NPLOC4: variants seen among roughly 807,000 people sequenced by gnomAD.
NPLOC4 encodes the protein nuclear protein localization protein 4 homolog.
In NPLOC4, 18 loss-of-function variants were observed where a neutral mutation model predicts 80.6. That is an observed-to-expected ratio of 0.22 (90% CI 0.15 to 0.33). The LOEUF (loss-of-function observed/expected upper bound fraction) is 0.33. Among genes scored for constraint, NPLOC4 ranks in the 10% least tolerant of loss-of-function variants. The pLI, the probability that NPLOC4 is intolerant of heterozygous loss-of-function variation, is 1.00. For missense variants in NPLOC4, 540 were observed against 786.1 expected, an observed-to-expected ratio of 0.69 and a Z score of 3.74; for synonymous variants, 313 against 301.5, an observed-to-expected ratio of 1.04 and a Z score of -0.39.
intron 16 of NPLOC4, chr17:81,565,108 T>G: frequency 1.7e-6 from 1 of 586,494 alleles, no homozygotes; most frequent in Non-Finnish European, 3.0e-6. Context: ...AGGCTTCTCC[T>G]CCTTACAGCT....
intron 10 of NPLOC4, among the ~76,000 whole-genome samples, 174 bp from the exon 11 acceptor site, chr17:81,596,416 T>C (rs2034909867): frequency 1.3e-5 from 2 of 152,166 alleles, no homozygotes; most frequent in Admixed American, 1.3e-4. Context: ...GAGACCAGCC[T>C]GGCCAACACA....
chr17:81,594,821 G>A (rs1023880924), intron 11 of NPLOC4, among the ~76,000 whole-genome samples: 6 of 151,642 alleles, frequency 4.0e-5, no homozygotes, highest in Admixed American at 6.6e-5. Context: ...TGGCGCACGC[G>A]TGTAGTCCCA....
chr17:81,626,331 G>A (rs200161102), intron 2 of NPLOC4, among the ~76,000 whole-genome samples: 2 of 142,368 alleles, frequency 1.4e-5, no homozygotes, highest in Non-Finnish European at 3.1e-5. Context: ...AAAAAAAAAA[G>A]AAAAGAATGA....
intron 16 of NPLOC4, among the ~76,000 whole-genome samples, chr17:81,560,228 G>A (rs1337656502): frequency 6.7e-6 from 1 of 148,552 alleles, no homozygotes; most frequent in African/African-American, 2.5e-5. Context: ...GACCAGCCTG[G>A]CCAACATGGC....
chr17:81,617,583 G>A (rs936963232), intron 3 of NPLOC4, among the ~76,000 whole-genome samples: 1 of 152,180 alleles, frequency 6.6e-6, no homozygotes, highest in Non-Finnish European at 1.5e-5. Context: ...GCTGAAGCAG[G>A]TGGATCACAA....
rs559269370 is a variant in NPLOC4 at position 81,600,434 on chromosome 17, G to C, written c.835-7C>G. 5.6e-6 allele frequency: 9 copies of C among 1,606,756 alleles called. No individual in the cohort carries two copies. The highest frequency in any genetic ancestry group is 1.3e-5 in the African/African-American group (1 of 74,770). ...AGCTGTTCTGTGTACCAATCTGCAG[G>C]GAATCAAAGGGAGAAGATGGACTTA... is the stretch of plus-strand genomic sequence containing the variant. On this transcript the variant is annotated splice_region_variant and splice_polypyrimidine_tract_variant and intron_variant, in intron 8 of 16. Transcript: ENST00000331134.
At chr17:81,613,790 T>G (rs2035403918) in intron 3 of NPLOC4, among the ~76,000 whole-genome samples, 1 of 152,144 alleles carries the variant, frequency 6.6e-6, no homozygotes, top group Admixed American at 6.6e-5. Flanking sequence ...ATGGACCTGC[T>G]GGGTTTCAGG....
At chr17:81,608,099 G>C (rs1232368965) in intron 6 of NPLOC4, among the ~76,000 whole-genome samples, 1 of 152,124 alleles carries the variant, frequency 6.6e-6, no homozygotes, top group African/African-American at 2.4e-5. Flanking sequence ...TGCCCACCTG[G>C]CTGAGCCTGT....
At chr17:81,618,992 A>G in intron 3 of NPLOC4, among the ~76,000 whole-genome samples, 1 of 152,012 alleles carries the variant, frequency 6.6e-6, no homozygotes, top group Non-Finnish European at 1.5e-5. Context: ...TGTTAAACAG[A>G]TGCTTGAAGG....
At chr17:81,620,966 T>C in intron 3 of NPLOC4, among the ~76,000 whole-genome samples, 1 of 151,910 alleles carries the variant, frequency 6.6e-6, no homozygotes. Flanking sequence ...GAGGCTGCAG[T>C]GAGCTACGAT....
At chr17:81,579,525 A>AGCTGACCCTGTGGCTTCCT (rs2034383579) in intron 12 of NPLOC4, among the ~76,000 whole-genome samples, 1 of 152,002 alleles carries the variant, frequency 6.6e-6, no homozygotes. Context: ...CTCCCCCTTC[A>AGCTGACCCTGTGGCTTCCT]GCTGACCCTG....
intron 16 of NPLOC4, 124 bp downstream of exon 16, chr17:81,565,381 G>A (rs1204001588): frequency 2.3e-6 from 2 of 854,756 alleles, no homozygotes; most frequent in South Asian, 1.4e-5. Flanking sequence ...CATTGCCGAT[G>A]GCACCTGCCA....
intron 12 of NPLOC4, among the ~76,000 whole-genome samples, chr17:81,579,158 A>G (rs1351628118): frequency 1.3e-5 from 2 of 152,186 alleles, no homozygotes. Context: ...TGGATTACTT[A>G]AGGTCAAGAG....
chr17:81,574,880 C>A (rs533758007), intron 12 of NPLOC4, among the ~76,000 whole-genome samples: 98 of 128,466 alleles, frequency 7.6e-4, no homozygotes, highest in South Asian at 1.8e-3. Flanking sequence ...CAAACAAACA[C>A]ACACACACAC....
intron 12 of NPLOC4, among the ~76,000 whole-genome samples, chr17:81,581,021 T>C (rs1233975645): frequency 2.0e-5 from 3 of 152,174 alleles, no homozygotes; most frequent in Non-Finnish European, 4.4e-5. Context: ...GTCAGACTAT[T>C]TCCTCATGGC....
In NPLOC4 at chr17:81,626,577, G is replaced by T. The variant is rs1009016550; in HGVS notation, c.96+3148C>A. ...AACAGGACCAGGCACCGCGGCTCCC[G>T]CCTGGAATCCCAGCATCCAGGAGAC... On this transcript the variant is annotated intron_variant, in intron 2 of 16. Transcript: ENST00000331134. Among the ~76,000 whole-genome samples the T allele has an allele frequency of 6.6e-5, 10 of 152,206 alleles. No homozygotes were observed. The East Asian group carries it at 1.9e-3, about 29-fold the overall frequency.
chr17:81,620,572 T>C (rs1443279204), intron 3 of NPLOC4, among the ~76,000 whole-genome samples: 2 of 152,188 alleles, frequency 1.3e-5, no homozygotes, highest in Non-Finnish European at 2.9e-5. Context: ...GCCAATGCCT[T>C]ATCCCCAGAC....
At chr17:81,565,419 C>T (rs2033980169) in intron 16 of NPLOC4, 86 bp downstream of exon 16, 1 of 1,163,574 alleles carries the variant, frequency 8.6e-7, no homozygotes, top group Non-Finnish European at 1.2e-6. Flanking sequence ...GAATCCAGGG[C>T]ACCACCGGCA....
At chr17:81,601,639 G>C (rs1041114008) in intron 8 of NPLOC4, among the ~76,000 whole-genome samples, 1 of 152,136 alleles carries the variant, frequency 6.6e-6, no homozygotes, top group Non-Finnish European at 1.5e-5. Context: ...TGTGTGCTTC[G>C]AAAAGCAGCA....
Sources: gnomAD v4.1 joint callset for allele counts (sites outside exome capture counted in the v4.1 genomes callset) on GRCh38, gnomAD v4.1.1 for gene constraint, MANE v1.5 for transcripts, NCBI Gene and HGNC (gene_info 2026-07-23, HGNC 2026-07-21) for gene names.